The following TXNL1 variants were observed in gnomAD, a reference collection of about 807,000 sequenced individuals.
The protein encoded by TXNL1 is thioredoxin like 1.
In TXNL1, 14 loss-of-function variants were observed where a neutral mutation model predicts 35.5. That is an observed-to-expected ratio of 0.39 (90% confidence interval 0.26 to 0.62). The LOEUF (loss-of-function observed/expected upper bound fraction) is 0.62. Among genes scored for constraint, TXNL1 ranks in the 20% least tolerant of loss-of-function variants. The pLI, the probability that TXNL1 is intolerant of heterozygous loss-of-function variation, is 0.47. For missense variants in TXNL1, 263 were observed against 349.7 expected (o/e 0.75, Z 1.98); for synonymous variants, 110 against 115.5 (o/e 0.95, Z 0.31).
chr18:56,607,713 G>A (rs1005716404), intron 7 of TXNL1, among the ~76,000 whole-genome samples: 15 of 151,954 alleles, frequency 9.9e-5, no homozygotes, highest in Non-Finnish European at 1.9e-4. Context: ...AAAATTAGCC[G>A]GGTATGGTGG....
Position 56,611,845 on chromosome 18 carries a change from A to ATT in TXNL1, c.736-750_736-749dup, listed in dbSNP as rs375995266. On this transcript the variant is annotated intron_variant, in intron 6 of 7. Coordinates refer to ENST00000217515, the MANE Select transcript of TXNL1 (RefSeq NM_004786.3). ...AGTAGCCCACCAGCACACCCGGCTA[A>ATT]TTTTTTTTTTTTTTTTTTTAAGAGA... 6.0e-3 allele frequency among the ~76,000 whole-genome samples: 700 copies of ATT among 116,442 alleles called. 11 individuals carry two copies. Among genetic ancestry groups the ATT allele is most frequent in the Middle Eastern group, 0.022 (5 of 226 alleles). 76.4% of individuals were successfully genotyped at this position (116,442 alleles called of 152,430 possible).
At chr18:56,632,208 G>C (rs2024383805) in intron 1 of TXNL1, among the ~76,000 whole-genome samples, 1 of 152,098 alleles carries the variant, frequency 6.6e-6, no homozygotes, top group Non-Finnish European at 1.5e-5. Context: ...TTCAAGATAA[G>C]TGTCTTATCT....
At chr18:56,624,188 T>A in intron 3 of TXNL1, 100 bp downstream of exon 3, 3 of 1,298,622 alleles carry the variant, frequency 2.3e-6, no homozygotes, top group Non-Finnish European at 3.1e-6. Flanking sequence ...TCTAAACCAG[T>A]AAGAGATAGA....
chr18:56,607,394 T>C lies in TXNL1; in HGVS notation c.840+3599A>G, dbSNP rs78227369. On this transcript the variant is annotated intron_variant, in intron 7 of 7. Transcript: ENST00000217515. ...CTGGTCCTGAACTCCTGGGTTTAAG[T>C]GATCTTCTAGCCTTGGCCTCCGGAA... Among the ~76,000 whole-genome samples, 430 of 151,900 alleles carry C rather than the reference T, an allele frequency of 2.8e-3. 5 individuals are homozygous for C. The East Asian group carries it at 0.039, about 14-fold the overall frequency.
intron 3 of TXNL1, 58 bp from the exon 4 acceptor site, chr18:56,618,184 A>T (rs1311296815): frequency 5.2e-6 from 8 of 1,533,606 alleles, no homozygotes; most frequent in South Asian, 2.4e-5. Flanking sequence ...AAAAATGTTT[A>T]AAAAATTTAA....
At chr18:56,607,615 A>G (rs1160786605) in intron 7 of TXNL1, among the ~76,000 whole-genome samples, 5 of 152,114 alleles carry the variant, frequency 3.3e-5, no homozygotes, top group African/African-American at 1.2e-4. Flanking sequence ...TAATCCCAGT[A>G]CTTTGGAAGA....
intron 6 of TXNL1, among the ~76,000 whole-genome samples, chr18:56,613,789 C>A (rs1212917575): frequency 2.0e-5 from 3 of 152,128 alleles, no homozygotes; most frequent in Non-Finnish European, 4.4e-5. Context: ...CCAGCCTGGA[C>A]AACAAAGCAA....
chr18:56,632,696 T>A (rs1228979743), intron 1 of TXNL1, among the ~76,000 whole-genome samples: 1 of 152,230 alleles, frequency 6.6e-6, no homozygotes. Context: ...AAAACTGATC[T>A]ATAGTGTTAG....
intron 7 of TXNL1, among the ~76,000 whole-genome samples, chr18:56,604,639 G>T (rs1451655115): frequency 1.3e-5 from 2 of 152,110 alleles, no homozygotes; most frequent in African/African-American, 4.8e-5. Flanking sequence ...AGAGTCCATT[G>T]ATCTTCTATA....
intron 5 of TXNL1, among the ~76,000 whole-genome samples, chr18:56,615,389 C>CG (rs900486062): frequency 3.0e-4 from 7 of 23,652 alleles, no homozygotes; most frequent in South Asian, 5.6e-3. Flanking sequence ...TCCAATCAAT[C>CG]GAAAAAAAAA....
At chr18:56,604,937 A>G (rs923948021) in intron 7 of TXNL1, among the ~76,000 whole-genome samples, 14 of 152,198 alleles carry the variant, frequency 9.2e-5, no homozygotes, top group Non-Finnish European at 4.4e-5. Context: ...AAACTATTCA[A>G]CTAGTTAAAT....
intron 1 of TXNL1, among the ~76,000 whole-genome samples, chr18:56,636,221 G>A (rs908503259): frequency 2.6e-5 from 4 of 151,736 alleles, no homozygotes; most frequent in African/African-American, 9.7e-5. Context: ...AAGCATAGAG[G>A]TTAAAAAAAA....
chr18:56,616,164 T>C, intron 5 of TXNL1, 81 bp downstream of exon 5: 2 of 1,229,932 alleles, frequency 1.6e-6, no homozygotes, highest in Non-Finnish European at 2.3e-6. Context: ...CAAGTACCTC[T>C]ATTTAATAAA....
chr18:56,617,921 G>C, intron 4 of TXNL1, 83 bp downstream of exon 4: 1 of 1,522,902 alleles, frequency 6.6e-7, no homozygotes, highest in Non-Finnish European at 9.0e-7. Flanking sequence ...AAGGAGAGAC[G>C]TAAGCCACAA....
rs1054854306 is a variant in TXNL1, at chr18:56,632,232, G to T, written c.99-5775C>A. Among the ~76,000 whole-genome samples the T allele has an allele frequency of 2.0e-5, 3 of 152,092 alleles. No homozygotes were observed. The East Asian group carries it at 5.8e-4, about 29-fold the overall frequency. ...AGTGTCTTATCTTGAGCAACAACTT[G>T]TGTCAATATACACAACTGGTAAGTG... On this transcript the variant is annotated intron_variant, in intron 1 of 7. Coordinates refer to ENST00000217515, the MANE Select transcript of TXNL1 (RefSeq NM_004786.3).
chr18:56,603,524 AG>A (rs1346094631), intron 7 of TXNL1, among the ~76,000 whole-genome samples: 1 of 152,156 alleles, frequency 6.6e-6, no homozygotes, highest in African/African-American at 2.4e-5. Flanking sequence ...CAATGAAAAC[AG>A]ATTAAAAGTG....
intron 1 of TXNL1, 84 bp downstream of exon 1, chr18:56,638,259 G>T: frequency 7.1e-7 from 1 of 1,403,014 alleles, no homozygotes; most frequent in South Asian, 1.3e-5. Flanking sequence ...GGCAGCAGAC[G>T]GCTAGGAAAC....
intron 5 of TXNL1, among the ~76,000 whole-genome samples, chr18:56,615,635 A>G (rs1474422957): frequency 6.6e-6 from 1 of 152,172 alleles, no homozygotes; most frequent in African/African-American, 2.4e-5. Flanking sequence ...ATTTGAAATA[A>G]ATCTTTCAGT....
Position 56,601,851 on chromosome 18 carries a change from A to C in TXNL1, c.*1176T>G, listed in dbSNP as rs916628423. 3 of 152,234 alleles carry C rather than the reference A, an allele frequency of 2.0e-5. No individual in the cohort carries two copies. Among genetic ancestry groups the C allele is most frequent in the African/African-American group, 7.2e-5 (3 of 41,464 alleles). The allele number at this position is 152,234 out of a possible 1,614,324, so 9.4% of individuals were successfully genotyped here. On this transcript the variant is annotated 3_prime_UTR_variant, in exon 8 of 8. Coordinates refer to ENST00000217515, the MANE Select transcript of TXNL1 (RefSeq NM_004786.3). ...ATACTTTTTAGATTACAATTTTAAGATAAAAAAGGTAACGAATAGGTATTT... is the reference window on the plus strand; with the variant it reads ...ATACTTTTTAGATTACAATTTTAAGCTAAAAAAGGTAACGAATAGGTATTT...
Sources: allele counts gnomAD v4.1 joint callset (sites outside exome capture counted in the v4.1 genomes callset), GRCh38; gene constraint gnomAD v4.1.1; transcripts MANE v1.5; gene names NCBI Gene and HGNC (gene_info 2026-07-23, HGNC 2026-07-21).